The following RNF111 variants were observed in gnomAD, a reference collection of about 807,000 sequenced individuals.
RNF111 encodes E3 ubiquitin-protein ligase Arkadia.
In RNF111, 17 loss-of-function variants were observed where a neutral mutation model predicts 95.1. The observed-to-expected ratio is 0.18, with a 90% CI of 0.12 to 0.27. The LOEUF (loss-of-function observed/expected upper bound fraction) is 0.27. Ranked by LOEUF, RNF111 falls within the 10% of genes least tolerant of loss-of-function variation. The pLI is 1.00. For synonymous variants in RNF111, 440 were observed against 414.8 expected (o/e 1.06, Z -0.74); for missense variants, 1,189 against 1,210.4 (o/e 0.98, Z 0.26).
chr15:59,067,434 C>T (rs898097679), intron 6 of RNF111, among the ~76,000 whole-genome samples: 1 of 152,048 alleles, frequency 6.6e-6, no homozygotes, highest in African/African-American at 2.4e-5. Flanking sequence ...TTAAAACCAA[C>T]CCACCTTTCT....
intron 1 of RNF111, chr15:59,004,185 T>C (rs769718553): frequency 1.3e-4 from 149 of 1,123,634 alleles, no homozygotes; most frequent in Non-Finnish European, 1.6e-4. Flanking sequence ...GTCTCAACTT[T>C]GTTTTTAGTT....
intron 1 of RNF111, among the ~76,000 whole-genome samples, chr15:59,025,255 G>C (rs1292827927): frequency 6.6e-6 from 1 of 152,172 alleles, no homozygotes; most frequent in Admixed American, 6.5e-5. Context: ...TACTAGGAAA[G>C]GTAATAAGTT....
In RNF111 at chr15:59,095,400, G is replaced by T. The variant is rs1192035996; in HGVS notation, c.*500G>T. 2.5e-5 allele frequency: 4 copies of T among 158,008 alleles called. No homozygotes were observed. Among genetic ancestry groups the T allele is most frequent in the African/African-American group, 9.7e-5 (4 of 41,408 alleles). The allele number at this position is 158,008 out of a possible 1,614,324, so 9.8% of individuals were successfully genotyped here. ...GACATTCCTTAATTAGGACAAAATG[G>T]CTGCTGTATATTTACTATATGGAGT... On this transcript the variant is annotated 3_prime_UTR_variant, in exon 14 of 14. Transcript: ENST00000348370.
At position 59,031,514 on chromosome 15, in the gene RNF111, G is replaced by A. The variant is rs145882076; in HGVS notation, c.692G>A (p.Arg231Lys). The A allele has an allele frequency of 3.7e-5, 60 of 1,614,054 alleles. No individual in the cohort carries two copies. Among genetic ancestry groups the A allele is most frequent in the African/African-American group, 5.3e-5 (4 of 74,926 alleles). The change falls in exon 2 of 14, where the codon AGG becomes AAG. Residue 231 changes from arginine to lysine, a missense_variant. Physicochemically the swap from Arg to Lys is conservative, Grantham distance 26 (BLOSUM62 2). Coordinates refer to ENST00000348370, the MANE Select transcript of RNF111 (RefSeq NM_017610.8). ...SSQRTQKQKE[R>K]ILMQRKKREV... is the part of the protein sequence containing the mutation. Reference sequence around the variant, plus strand: ...CAGAGGACACAGAAACAAAAAGAGAGGATATTAATGCAGAGGAAGAAACGA... The same window carrying A: ...CAGAGGACACAGAAACAAAAAGAGAAGATATTAATGCAGAGGAAGAAACGA...
At position 59,031,003 on chromosome 15, in the gene RNF111, G is replaced by A. The variant is rs764885799; in HGVS notation, c.181G>A (p.Gly61Arg). Residue 61 changes from glycine (G) to arginine (R), a missense_variant, in exon 2 of 14, where the codon GGG (glycine) becomes AGG (arginine). This residue lies in a region of RNF111 where 1,024 missense variants were observed against 925.9 expected (regional missense o/e 1.11). Transcript: ENST00000348370. ...AGTTGAGATGATTAATAGTAAAGTGGGGAATGAATTCTCTCACCTGTGTGA... is the reference window on the plus strand; with the variant it reads ...AGTTGAGATGATTAATAGTAAAGTGAGGAATGAATTCTCTCACCTGTGTGA... ...AGVEMINSKV[G>R]NEFSHLCDDS... 3.3e-5 allele frequency: 54 copies of A among 1,614,046 alleles called. No individual in the cohort carries two copies. Among genetic ancestry groups the A allele is most frequent in the Non-Finnish European group, 4.2e-5 (50 of 1,180,028 alleles).
intron 1 of RNF111, among the ~76,000 whole-genome samples, chr15:59,012,771 C>A (rs1196199763): frequency 6.8e-6 from 1 of 146,772 alleles, no homozygotes; most frequent in African/African-American, 2.5e-5. Context: ...CAGAGTCTTG[C>A]TTTGTCACCT....
chr15:59,076,610 A>T (rs1264161820), intron 7 of RNF111, among the ~76,000 whole-genome samples: 1 of 152,238 alleles, frequency 6.6e-6, no homozygotes, highest in Non-Finnish European at 1.5e-5. Context: ...CTGTAATCCC[A>T]GCACTTTGGG....
Position 59,009,485 on chromosome 15 carries a change from C to A in RNF111, c.-19-21319C>A, listed in dbSNP as rs74017338. ...ATATCAAATATCAAAGTTTTCTGAT[C>A]TGAAATTATCAAATTCTAAAGAAAA... On this transcript the variant is annotated intron_variant, in intron 1 of 13. Transcript: ENST00000348370. Among the ~76,000 whole-genome samples the A allele has an allele frequency of 8.7e-3, 1,293 of 149,464 alleles. 15 individuals carry two copies. The highest frequency in any genetic ancestry group is 0.03 in the African/African-American group (1,235 of 40,776).
At chr15:59,052,188 G>C in intron 2 of RNF111, 117 bp from the exon 3 acceptor site, 2 of 926,508 alleles carry the variant, frequency 2.2e-6, no homozygotes, top group African/African-American at 3.4e-5. Context: ...CTTTTTGACA[G>C]ATAAGATTTT....
rs538550676 is a variant in RNF111 at position 58,991,161 on chromosome 15, G to A, written c.-20+3093G>A. ...AAAATACAAAAATTAGCTGGGCATG[G>A]TGGTGGCATGCGCCTGTAATCCTGG... On this transcript the variant is annotated intron_variant, in intron 1 of 13. Coordinates refer to ENST00000348370, the MANE Select transcript of RNF111 (RefSeq NM_017610.8). Among the ~76,000 whole-genome samples the A allele has an allele frequency of 2.2e-3, 340 of 152,144 alleles. 4 individuals are homozygous for A. Among genetic ancestry groups the A allele is most frequent in the African/African-American group, 7.7e-3 (319 of 41,524 alleles).
At chr15:59,035,792 G>C (rs1270985331) in intron 2 of RNF111, among the ~76,000 whole-genome samples, 5 of 152,138 alleles carry the variant, frequency 3.3e-5, no homozygotes, top group African/African-American at 9.7e-5. Context: ...CTACATCTGA[G>C]GCTACCTCTG....
chr15:59,092,615 A>G lies in RNF111; in HGVS notation c.2818A>G (p.Ile940Val), dbSNP rs993296113. 8.1e-6 allele frequency: 13 copies of G among 1,611,738 alleles called. No homozygotes were observed. The highest frequency in any genetic ancestry group is 1.6e-4 in the Middle Eastern group (1 of 6,084). The change falls in exon 13 of 14, where the codon ATT becomes GTT. Residue 940 changes from isoleucine (I) to valine (V), a missense_variant. Around this residue, in one of 2 missense-constraint regions of RNF111, gnomAD observed 165 missense variants for 284.6 expected, o/e 0.58. Coordinates refer to ENST00000348370, the MANE Select transcript of RNF111 (RefSeq NM_017610.8). ...GGAAAAATGTACTATCTGTTTGTCT[A>G]TTTTAGAGGAAGGTGAAGATGTGAG... ...TEEKCTICLSILEEGEDVRRL... is the reference protein window; with the variant it reads ...TEEKCTICLSVLEEGEDVRRL...
intron 1 of RNF111, among the ~76,000 whole-genome samples, chr15:58,997,203 G>C (rs969782979): frequency 1.3e-5 from 2 of 152,064 alleles, no homozygotes; most frequent in Non-Finnish European, 2.9e-5. Context: ...TATGACCCAA[G>C]TCTTTTCTCT....
intron 10 of RNF111, among the ~76,000 whole-genome samples, chr15:59,089,070 T>C (rs2140229641): frequency 6.6e-6 from 1 of 152,260 alleles, no homozygotes; most frequent in Middle Eastern, 3.4e-3. Flanking sequence ...GAGTTGCATG[T>C]TGGGCAACTG....
chr15:59,048,968 G>A (rs2041840636), intron 2 of RNF111, among the ~76,000 whole-genome samples: 1 of 152,086 alleles, frequency 6.6e-6, no homozygotes, highest in Non-Finnish European at 1.5e-5. Context: ...GGGTGTGGTG[G>A]TGTGCACCTG....
At chr15:59,043,242 C>G (rs1244082390) in intron 2 of RNF111, among the ~76,000 whole-genome samples, 2 of 151,828 alleles carry the variant, frequency 1.3e-5, no homozygotes, top group African/African-American at 4.8e-5. Context: ...GCAGCCTCCG[C>G]CTCCAGGGTT....
At chr15:59,031,843 A>G (rs2040924722) in intron 2 of RNF111, 141 bp downstream of exon 2, 1 of 738,116 alleles carries the variant, frequency 1.4e-6, no homozygotes, top group South Asian at 2.1e-5. Context: ...TAAATTACCA[A>G]TTGCAGTATT....
intron 10 of RNF111, among the ~76,000 whole-genome samples, chr15:59,089,326 T>C (rs113269835): frequency 1.1e-4 from 16 of 152,320 alleles, no homozygotes; most frequent in African/African-American, 3.4e-4. Context: ...AAAAAACTTA[T>C]CTTGAAGTCG....
In RNF111 at chr15:59,095,223, A is replaced by C; in HGVS notation, c.*323A>C. 1 of 253,128 alleles carries C rather than the reference A, an allele frequency of 4.0e-6. No individual in the cohort carries two copies. 15.7% of individuals were successfully genotyped at this position (253,128 alleles called of 1,614,324 possible). ...TGCAGGCAAGGTTAGCTGCTTTAGT[A>C]AGTAGAATTTTGTGGTCTTTTTGTT... On this transcript the variant is annotated 3_prime_UTR_variant, in exon 14 of 14. Coordinates refer to ENST00000348370, the MANE Select transcript of RNF111 (RefSeq NM_017610.8).
Sources: gnomAD v4.1 joint callset for allele counts (sites outside exome capture counted in the v4.1 genomes callset) on GRCh38, gnomAD v4.1.1 for gene constraint, gnomAD v4.1.1 regional missense constraint, MANE v1.5 for transcripts, NCBI Gene and HGNC (gene_info 2026-07-23, HGNC 2026-07-21) for gene names.